The following MAST4 variants were observed in gnomAD, a reference collection of about 807,000 sequenced individuals.
MAST4 encodes the protein microtubule-associated serine/threonine-protein kinase 4.
A neutral mutation model predicts 162.7 loss-of-function variants in MAST4; 89 were observed. The observed-to-expected ratio is 0.55, with a 90% CI of 0.46 to 0.65. The LOEUF (loss-of-function observed/expected upper bound fraction) is 0.65, where lower values mean the gene tolerates loss of function less well. MAST4 is among the 30% of genes least tolerant of loss of function. The pLI, the probability that MAST4 is intolerant of heterozygous loss-of-function variation, is 0.00. For synonymous variants in MAST4, 1,479 were observed against 1,361.1 expected, an observed-to-expected ratio of 1.09 and a Z score of -1.91; for missense variants, 3,153 against 3,374.0, an observed-to-expected ratio of 0.93 and a Z score of 1.62.
At chr5:66,988,195 A>AAGG (rs1749718988) in intron 4 of MAST4, among the ~76,000 whole-genome samples, 1 of 152,186 alleles carries the variant, frequency 6.6e-6, no homozygotes, top group South Asian at 2.1e-4. Context: ...GGGAAAGAAA[A>AAGG]CGTGCTTCAT....
intron 4 of MAST4, among the ~76,000 whole-genome samples, chr5:67,014,798 C>T (rs915199344): frequency 1.3e-5 from 2 of 152,168 alleles, no homozygotes; most frequent in Non-Finnish European, 2.9e-5. Flanking sequence ...AGCAGGTAGA[C>T]TTCATTTTTC....
intron 4 of MAST4, among the ~76,000 whole-genome samples, chr5:66,960,321 T>C (rs2150156261): frequency 6.6e-6 from 1 of 152,360 alleles, no homozygotes; most frequent in South Asian, 2.1e-4. Flanking sequence ...ACTTTTCTAA[T>C]CAGTCCTTGC....
In MAST4 at chr5:66,596,404, C is replaced by T; in HGVS notation, c.-252C>T. 2.6e-6 allele frequency: 1 copy of T among 386,404 alleles called. No homozygotes were observed. The highest frequency in any genetic ancestry group is 4.5e-6 in the Non-Finnish European group (1 of 220,920). 23.9% of individuals were successfully genotyped at this position (386,404 alleles called of 1,614,324 possible). A position where few individuals can be genotyped will look rare whatever the true frequency, so the allele number is the denominator to read the frequency against. On this transcript the variant is annotated 5_prime_UTR_variant, in exon 1 of 29. Transcript: ENST00000403625. ...TGCAGCGCGGGAGCACAGTGGAGCG[C>T]AGATCGCGGACCCGAGCGGGCATGT... is the stretch of plus-strand genomic sequence containing the variant.
At chr5:66,937,349 A>G (rs1200327374) in intron 4 of MAST4, among the ~76,000 whole-genome samples, 1 of 152,172 alleles carries the variant, frequency 6.6e-6, no homozygotes, top group Non-Finnish European at 1.5e-5. Flanking sequence ...TTGCACTATC[A>G]GACTGTCTTC....
chr5:67,147,638 A>G (rs1385563098), intron 23 of MAST4, among the ~76,000 whole-genome samples: 1 of 152,218 alleles, frequency 6.6e-6, no homozygotes, highest in African/African-American at 2.4e-5. Flanking sequence ...TTCATTTTAT[A>G]CTTGTCAGTG....
chr5:66,767,132 A>G (rs1754131637), intron 2 of MAST4, among the ~76,000 whole-genome samples: 1 of 151,516 alleles, frequency 6.6e-6, no homozygotes, highest in Non-Finnish European at 1.5e-5. Flanking sequence ...TCTTTTAGAA[A>G]GATCTAATCA....
chr5:66,655,506 C>T (rs1261602037), intron 1 of MAST4, among the ~76,000 whole-genome samples: 1 of 152,070 alleles, frequency 6.6e-6, no homozygotes, highest in African/African-American at 2.4e-5. Flanking sequence ...TGCCAGAGAC[C>T]AATGATCTCA....
At chr5:66,833,528 T>C (rs982034247) in intron 3 of MAST4, among the ~76,000 whole-genome samples, 4 of 152,212 alleles carry the variant, frequency 2.6e-5, no homozygotes, top group Non-Finnish European at 5.9e-5. Flanking sequence ...ACAGTCTTGC[T>C]TTCAGGTCTC....
chr5:67,023,721 AG>A (rs1024737852), intron 4 of MAST4, among the ~76,000 whole-genome samples: 10 of 152,072 alleles, frequency 6.6e-5, no homozygotes, highest in African/African-American at 2.4e-4. Flanking sequence ...TTATGGGTGG[AG>A]GGCAGGATGG....
At chr5:66,696,812 G>A (rs1183350515) in intron 1 of MAST4, among the ~76,000 whole-genome samples, 1 of 152,036 alleles carries the variant, frequency 6.6e-6, no homozygotes, top group Non-Finnish European at 1.5e-5. Flanking sequence ...AAAATTGCTA[G>A]CACTCTAGTG....
At chr5:66,907,593 TGTGTGTGTG>T (rs1763461864) in intron 4 of MAST4, among the ~76,000 whole-genome samples, 1 of 18,758 alleles carries the variant, frequency 5.3e-5, no homozygotes, top group Admixed American at 7.8e-4. Flanking sequence ...GATGCGTGTG[TGTGTGTGTG>T]TGTGTGTGTG....
At chr5:66,911,552 A>G (rs1053478226) in intron 4 of MAST4, among the ~76,000 whole-genome samples, 4 of 74,224 alleles carry the variant, frequency 5.4e-5, no homozygotes, top group African/African-American at 2.2e-4. Context: ...CAAACAAACA[A>G]CAACAACCCC....
chr5:67,117,045 GATA>G (rs1392773307), intron 12 of MAST4, among the ~76,000 whole-genome samples: 3 of 152,154 alleles, frequency 2.0e-5, no homozygotes, highest in East Asian at 3.9e-4. Flanking sequence ...ATAAAAATGA[GATA>G]ATAATAGTAT....
At position 66,881,460 on chromosome 5, in the gene MAST4, A is replaced by C. The variant is rs576941631; in HGVS notation, c.643-18491A>C. On this transcript the variant is annotated intron_variant, in intron 3 of 28. Coordinates refer to ENST00000403625, the MANE Select transcript of MAST4 (RefSeq NM_001164664.2). The stretch of plus-strand genomic sequence containing the variant: ...TCCATTTCTCTTTCCTAACACAAGA[A>C]TGCAGTTATTTTTCTCCTATTTTGC... 1.5e-3 allele frequency among the ~76,000 whole-genome samples: 228 copies of C among 152,368 alleles called. 1 individual carries two copies. Among genetic ancestry groups the C allele is most frequent in the African/African-American group, 5.2e-3 (218 of 41,586 alleles).
intron 28 of MAST4, among the ~76,000 whole-genome samples, 176 bp downstream of exon 28, chr5:67,162,964 A>C (rs1773380279): frequency 6.6e-6 from 1 of 152,220 alleles, no homozygotes; most frequent in Non-Finnish European, 1.5e-5. Context: ...CAAATAAGTC[A>C]AGAAGTATGG....
At chr5:66,673,507 G>GT (rs1302264518) in intron 1 of MAST4, among the ~76,000 whole-genome samples, 2 of 140,858 alleles carry the variant, frequency 1.4e-5, no homozygotes, top group African/African-American at 2.6e-5. Flanking sequence ...CAATACGCTA[G>GT]TTTTTTTTGT....
rs937312619 is a variant in MAST4 at position 66,628,158 on chromosome 5, G to A, written c.363+31140G>A. 6.6e-5 allele frequency among the ~76,000 whole-genome samples: 10 copies of A among 151,898 alleles called. No homozygotes were observed. The East Asian group carries it at 9.7e-4, about 15-fold the overall frequency. ...AGTGATCCTCCCACTCTAGCCTCCC[G>A]AGCAGCTAGGACTATAGGCACACGC... On this transcript the variant is annotated intron_variant, in intron 1 of 28. Transcript: ENST00000403625.
At chr5:66,888,392 G>A (rs891697558) in intron 3 of MAST4, among the ~76,000 whole-genome samples, 3 of 152,168 alleles carry the variant, frequency 2.0e-5, no homozygotes, top group African/African-American at 7.2e-5. Flanking sequence ...TGATTTGCCA[G>A]TAAATTTCTA....
chr5:67,011,689 C>A (rs1216605462), intron 4 of MAST4, among the ~76,000 whole-genome samples: 1 of 152,100 alleles, frequency 6.6e-6, no homozygotes, highest in Non-Finnish European at 1.5e-5. Context: ...TGGCAGCATT[C>A]GCAGATTCTG....
Sources: gnomAD v4.1 joint callset for allele counts (sites outside exome capture counted in the v4.1 genomes callset) on GRCh38, gnomAD v4.1.1 for gene constraint, MANE v1.5 for transcripts, NCBI Gene and HGNC (gene_info 2026-07-23, HGNC 2026-07-21) for gene names.